TRAF3IP1: variants seen among roughly 807,000 people sequenced by gnomAD.
The protein encoded by TRAF3IP1 is intraflagellar transport 54, also known as TRAF3-interacting protein 1.
Under a neutral mutation model 89.9 loss-of-function variants are expected in TRAF3IP1, and 53 were observed. That is an observed-to-expected ratio of 0.59 (90% CI 0.47 to 0.74). TRAF3IP1 has a LOEUF of 0.74. Ranked by LOEUF, TRAF3IP1 falls within the 30% of genes least tolerant of loss-of-function variation. TRAF3IP1 has a pLI of 0.00. For missense variants in TRAF3IP1, 806 were observed against 866.1 expected, an observed-to-expected ratio of 0.93 and a Z score of 0.87; for synonymous variants, 311 against 322.1, an observed-to-expected ratio of 0.97 and a Z score of 0.37.
chr2:238,347,079 G>C, intron 9 of TRAF3IP1: 1 of 190,342 alleles, frequency 5.3e-6, no homozygotes, highest in South Asian at 1.1e-4. Flanking sequence ...CCGGGATTTG[G>C]TTGGCCGGGT....
rs759255167 is a variant in TRAF3IP1 at position 238,325,989 on chromosome 2, C to A, written c.354+19C>A. On this transcript the variant is annotated intron_variant, in intron 3 of 16. Transcript: ENST00000373327. ...CAACAAGGTACTACTGCTGTCCTGG[C>A]ATTTTGAACTTACTTAGTACTTGAG... 6 of 1,600,788 alleles carry A rather than the reference C, an allele frequency of 3.7e-6. No homozygotes were observed. The highest frequency in any genetic ancestry group is 5.1e-6 in the Non-Finnish European group (6 of 1,173,494).
intron 8 of TRAF3IP1, among the ~76,000 whole-genome samples, chr2:238,344,144 G>A (rs935503447): frequency 6.6e-6 from 1 of 152,100 alleles, no homozygotes; most frequent in Non-Finnish European, 1.5e-5. Context: ...CCGCCTACTT[G>A]CAGCCTCTCA....
In TRAF3IP1 at chr2:238,353,202, G is replaced by A. The variant is rs773049809; in HGVS notation, c.1605G>A (p.Glu535=). The A allele has an allele frequency of 4.5e-5, 73 of 1,614,068 alleles. No individual in the cohort carries two copies. The highest frequency in any genetic ancestry group is 6.0e-5 in the Non-Finnish European group (71 of 1,180,036). The part of the protein sequence containing the change: ...MVTAVELEEE[E]KHGGLVKKIL... ...CAGCAGTGGAACTAGAAGAAGAGGA[G>A]AAGCATGGTGAGTCCTGGGCACGAG... Residue 535 remains glutamate, a synonymous_variant, in exon 14 of 17, where the codon GAG becomes GAA. Transcript: ENST00000373327.
At chr2:238,340,112 C>T (rs1481680987) in intron 8 of TRAF3IP1, among the ~76,000 whole-genome samples, 1 of 152,140 alleles carries the variant, frequency 6.6e-6, no homozygotes, top group Non-Finnish European at 1.5e-5. Context: ...GGAGAGACTC[C>T]CGGTCCCTTG....
chr2:238,336,974 A>G (rs1339757303), intron 7 of TRAF3IP1, among the ~76,000 whole-genome samples: 1 of 151,974 alleles, frequency 6.6e-6, no homozygotes, highest in African/African-American at 2.4e-5. Flanking sequence ...GGTGGTTGGC[A>G]TAGGTGTGGC....
At chr2:238,329,421 C>A (rs1168926776) in intron 5 of TRAF3IP1, 79 bp downstream of exon 5, 1 of 1,244,534 alleles carries the variant, frequency 8.0e-7, no homozygotes. Context: ...ACCTTTCTTA[C>A]AATATGACTA....
chr2:238,334,637 T>G (rs1230773966), intron 7 of TRAF3IP1, among the ~76,000 whole-genome samples: 1 of 152,222 alleles, frequency 6.6e-6, no homozygotes, highest in African/African-American at 2.4e-5. Flanking sequence ...AGTGCTAGTT[T>G]CTGAAAAATC....
intron 12 of TRAF3IP1, among the ~76,000 whole-genome samples, chr2:238,352,316 G>A (rs1699207984): frequency 6.6e-6 from 1 of 152,158 alleles, no homozygotes; most frequent in Non-Finnish European, 1.5e-5. Context: ...ACTGTGACTA[G>A]GAGTTGAATG....
chr2:238,385,191 A>G (rs1444780529), intron 15 of TRAF3IP1, among the ~76,000 whole-genome samples: 1 of 151,562 alleles, frequency 6.6e-6, no homozygotes, highest in Non-Finnish European at 1.5e-5. Context: ...AATTTTTTGT[A>G]TTTTTAGTAG....
intron 1 of TRAF3IP1, among the ~76,000 whole-genome samples, chr2:238,322,884 A>C (rs756822519): frequency 6.6e-6 from 1 of 152,036 alleles, no homozygotes. Context: ...AAGTTGTTAG[A>C]ATGACTGACA....
At chr2:238,347,408 G>A (rs1698943765) in intron 9 of TRAF3IP1, 47 bp from the exon 10 acceptor site, 1 of 1,606,718 alleles carries the variant, frequency 6.2e-7, no homozygotes, top group African/African-American at 1.3e-5. Flanking sequence ...TTAATGTATT[G>A]AGGTTGACTA....
chr2:238,387,943 A>G (rs1700840554), intron 15 of TRAF3IP1, among the ~76,000 whole-genome samples: 1 of 152,170 alleles, frequency 6.6e-6, no homozygotes, highest in African/African-American at 2.4e-5. Flanking sequence ...AAAATTAGCC[A>G]GGCATGGTGG....
chr2:238,349,535 A>C, intron 12 of TRAF3IP1, 127 bp downstream of exon 12: 1 of 936,550 alleles, frequency 1.1e-6, no homozygotes, highest in South Asian at 1.5e-5. Flanking sequence ...AGGAACAAAA[A>C]GTGAGGGTAG....
At chr2:238,357,070 G>T (rs781158852) in intron 15 of TRAF3IP1, among the ~76,000 whole-genome samples, 22 of 152,292 alleles carry the variant, frequency 1.4e-4, no homozygotes, top group Middle Eastern at 3.4e-3. Context: ...GAGCCACCGC[G>T]CCTGGCCGGG....
In TRAF3IP1 at chr2:238,324,893, C is replaced by T. The variant is rs577729352; in HGVS notation, c.124-413C>T. On this transcript the variant is annotated intron_variant, in intron 1 of 16. Transcript: ENST00000373327. ...CTGGGATTACAGGTGTGAGCCACCA[C>T]ACCCAGCCGTGTGGACTTTCTTATG... Among the ~76,000 whole-genome samples the T allele has an allele frequency of 3.9e-5, 6 of 152,322 alleles. No individual in the cohort carries two copies. The South Asian group carries it at 1.2e-3, about 32-fold the overall frequency.
rs1390531619 is a variant in TRAF3IP1, at chr2:238,345,640, G to C, written c.1261+1042G>C. Among the ~76,000 whole-genome samples, 1 of 152,104 alleles carries C rather than the reference G, an allele frequency of 6.6e-6. No individual in the cohort carries two copies. Among genetic ancestry groups the C allele is most frequent in the South Asian group, 2.1e-4 (1 of 4,824 alleles). ...TTAAAGATTGTGCAGAGAAGAGAGA[G>C]AGGCCTGGACTGTGGAGGCGCCCTG... On this transcript the variant is annotated intron_variant, in intron 9 of 16. Coordinates refer to ENST00000373327, the MANE Select transcript of TRAF3IP1 (RefSeq NM_015650.4). This position sits in a 1 kb window ranked among gnomAD's most constrained non-coding sequence, Gnocchi z 4.7.
At chr2:238,334,132 C>T (rs1050019832) in intron 7 of TRAF3IP1, 97 bp downstream of exon 7, 114 of 916,670 alleles carry the variant, frequency 1.2e-4, no homozygotes, top group Non-Finnish European at 1.8e-4. Flanking sequence ...ACTCCTATGG[C>T]TGGAAAACAG....
rs1472819526 is a variant in TRAF3IP1 at position 238,320,658 on chromosome 2, C to G, written c.-5C>G. ...GCGGGCGGCCAGCGGGCGGCGGACG[C>G]CGTCATGAACGCGGCGGTGGTGAGG... On this transcript the variant is annotated 5_prime_UTR_variant, in exon 1 of 17. Transcript: ENST00000373327. 7.4e-7 allele frequency: 1 copy of G among 1,354,978 alleles called. No homozygotes were observed. The highest frequency in any genetic ancestry group is 9.7e-7 in the Non-Finnish European group (1 of 1,036,170). The allele number at this position is 1,354,978 out of a possible 1,614,324, so 83.9% of individuals were successfully genotyped here.
At chr2:238,365,988 G>A (rs1268060734) in intron 15 of TRAF3IP1, among the ~76,000 whole-genome samples, 1 of 152,200 alleles carries the variant, frequency 6.6e-6, no homozygotes, top group African/African-American at 2.4e-5. Flanking sequence ...GCTCACGCCT[G>A]TAATCCTAGC....
Sources: allele counts gnomAD v4.1 joint callset (sites outside exome capture counted in the v4.1 genomes callset), GRCh38; gene constraint gnomAD v4.1.1; non-coding constraint Gnocchi (gnomAD v3.1); transcripts MANE v1.5; gene names NCBI Gene and HGNC (gene_info 2026-07-23, HGNC 2026-07-21).